RAB38: variants seen among roughly 807,000 people sequenced by gnomAD.
RAB38 encodes the protein RAB38, member RAS oncogene family.
In RAB38, 15 loss-of-function variants were observed where a neutral mutation model predicts 18.4. The observed-to-expected ratio is 0.82, with a 90% CI of 0.55 to 1.26. RAB38 has a LOEUF of 1.26. RAB38 is among the 50% of genes most tolerant of loss of function. The pLI is 0.00. For synonymous variants in RAB38, 101 were observed against 104.4 expected, an observed-to-expected ratio of 0.97 and a Z score of 0.20; for missense variants, 294 against 267.4, an observed-to-expected ratio of 1.10 and a Z score of -0.69.
chr11:88,040,498 G>T, the RAB38 span, among the ~76,000 whole-genome samples: 1 of 152,104 alleles, frequency 6.6e-6, no homozygotes, highest in Non-Finnish European at 1.5e-5. Flanking sequence ...GGCAGCCCAG[G>T]AATTTGAGAT....
intron 1 of RAB38, among the ~76,000 whole-genome samples, chr11:88,157,357 A>T (rs1254833492): frequency 6.6e-6 from 1 of 152,232 alleles, no homozygotes; most frequent in Non-Finnish European, 1.5e-5. Context: ...AAGTACTTCT[A>T]GACCTCTGAA....
the RAB38 span, among the ~76,000 whole-genome samples, chr11:87,939,223 G>C: frequency 2.6e-5 from 4 of 151,922 alleles, no homozygotes; most frequent in African/African-American, 9.7e-5. Context: ...GGTTCTCATT[G>C]GTGTCTCTTC....
chr11:88,056,067 T>C, the RAB38 span, among the ~76,000 whole-genome samples: 2 of 151,848 alleles, frequency 1.3e-5, no homozygotes, highest in Non-Finnish European at 2.9e-5. Context: ...TAATTTTGCT[T>C]TTGTGTAATT....
At chr11:88,051,565 C>T in the RAB38 span, among the ~76,000 whole-genome samples, 16 of 151,990 alleles carry the variant, frequency 1.1e-4, no homozygotes, top group African/African-American at 3.9e-4. Context: ...ATTTTGTATG[C>T]TGTTTAAACA....
chr11:87,831,622 T>A, the RAB38 span, among the ~76,000 whole-genome samples: 2 of 152,112 alleles, frequency 1.3e-5, no homozygotes, highest in Non-Finnish European at 2.9e-5. Context: ...ACACAATGAG[T>A]ACATGCTGAG....
At chr11:87,813,653 T>C in the RAB38 span, among the ~76,000 whole-genome samples, 5 of 152,140 alleles carry the variant, frequency 3.3e-5, no homozygotes, top group African/African-American at 1.2e-4. Flanking sequence ...GTCTTACCTA[T>C]TGTCTCTTCA....
the RAB38 span, among the ~76,000 whole-genome samples, chr11:88,075,162 A>C: frequency 6.6e-6 from 1 of 152,200 alleles, no homozygotes; most frequent in Non-Finnish European, 1.5e-5. Context: ...TCAACGAAGA[A>C]ACATTGGAGT....
chr11:87,951,828 T>A, the RAB38 span, among the ~76,000 whole-genome samples: 1 of 152,144 alleles, frequency 6.6e-6, no homozygotes, highest in African/African-American at 2.4e-5. Flanking sequence ...GCCTCCCAGT[T>A]AGGCTACTCG....
chr11:88,050,259 G>T, the RAB38 span: 7 of 152,268 alleles, frequency 4.6e-5, no homozygotes, highest in African/African-American at 1.7e-4. Flanking sequence ...CATGAGAGAG[G>T]TTTGTCCCTC....
At chr11:88,023,004 T>C in the RAB38 span, among the ~76,000 whole-genome samples, 2 of 151,560 alleles carry the variant, frequency 1.3e-5, no homozygotes. Flanking sequence ...TTTTGGAGGG[T>C]ATAGAGTGAG....
the RAB38 span, among the ~76,000 whole-genome samples, chr11:88,053,631 A>C: frequency 6.6e-5 from 10 of 151,830 alleles, no homozygotes; most frequent in Non-Finnish European, 1.2e-4. Flanking sequence ...AATGGGAAAT[A>C]AAAGTTAAAA....
chr11:88,060,946 A>G, the RAB38 span, among the ~76,000 whole-genome samples: 1 of 152,182 alleles, frequency 6.6e-6, no homozygotes, highest in Non-Finnish European at 1.5e-5. Flanking sequence ...ACCTTTAAGG[A>G]GTTTAATAAA....
the RAB38 span, among the ~76,000 whole-genome samples, chr11:87,957,862 C>T: frequency 1.2e-4 from 19 of 152,132 alleles, no homozygotes; most frequent in South Asian, 4.2e-4. Context: ...TCCTTCCTAA[C>T]GAAATACTCA....
chr11:88,162,855 G>T (rs1314584777), intron 1 of RAB38, among the ~76,000 whole-genome samples: 1 of 152,058 alleles, frequency 6.6e-6, no homozygotes, highest in Non-Finnish European at 1.5e-5. Flanking sequence ...GCTCTGCTAA[G>T]TTCTGCTTCT....
chr11:88,088,390 A>G, the RAB38 span, among the ~76,000 whole-genome samples: 1 of 151,908 alleles, frequency 6.6e-6, no homozygotes, highest in Non-Finnish European at 1.5e-5. Flanking sequence ...GTACCCAATT[A>G]GTGATGACCT....
the RAB38 span, among the ~76,000 whole-genome samples, chr11:88,010,656 G>T: frequency 2.6e-5 from 4 of 152,052 alleles, no homozygotes; most frequent in African/African-American, 7.3e-5. Context: ...CCTTATTTTG[G>T]TTCAGTATTT....
At chr11:87,944,958 C>G in the RAB38 span, among the ~76,000 whole-genome samples, 1 of 152,048 alleles carries the variant, frequency 6.6e-6, no homozygotes, top group African/African-American at 2.4e-5. Context: ...TTATTTAAAC[C>G]TTTGTTTTCT....
the RAB38 span, among the ~76,000 whole-genome samples, chr11:87,960,905 C>T: frequency 6.6e-6 from 1 of 151,970 alleles, no homozygotes; most frequent in Non-Finnish European, 1.5e-5. Context: ...AAAGATGTCA[C>T]GTGGAGGATG....
chr11:87,878,971 A>AAT, the RAB38 span, among the ~76,000 whole-genome samples: 1 of 133,758 alleles, frequency 7.5e-6, no homozygotes, highest in African/African-American at 2.6e-5. Context: ...GCAATTACTG[A>AAT]TTTTTTTTTT....
Sources: gnomAD v4.1 joint callset for allele counts (sites outside exome capture counted in the v4.1 genomes callset) on GRCh38, gnomAD v4.1.1 for gene constraint, MANE v1.5 for transcripts, NCBI Gene and HGNC (gene_info 2026-07-23, HGNC 2026-07-21) for gene names.